The following BHMT2 variants were observed in gnomAD, a reference collection of about 807,000 sequenced individuals.
The protein encoded by BHMT2 is S-methylmethionine--homocysteine S-methyltransferase BHMT2.
In BHMT2, 28 loss-of-function variants were observed where a neutral mutation model predicts 39.0. That is an observed-to-expected ratio of 0.72 (90% CI 0.53 to 0.98). BHMT2 has a LOEUF of 0.98. BHMT2 is among the 50% of genes least tolerant of loss of function. The pLI is 0.00. For synonymous variants in BHMT2, 145 were observed against 160.6 expected (o/e 0.90, Z 0.74); for missense variants, 410 against 455.6 (o/e 0.90, Z 0.91).
Position 79,083,193 on chromosome 5 carries a change from G to A in BHMT2, c.600G>A (p.Gly200=). 6.2e-7 allele frequency: 1 copy of A among 1,613,880 alleles called. No individual in the cohort carries two copies. Residue 200 remains glycine, a splice_region_variant and synonymous_variant, in exon 6 of 8, where the codon GGG becomes GGA. Coordinates refer to ENST00000255192, the MANE Select transcript of BHMT2 (RefSeq NM_017614.5). ...GECAVRLVKA[G]ASIVGVNCRF... ...TGTAAGTGTTATTTCTTTGCACAGG[G>A]GCTTCCATCGTTGGCGTGAACTGCC...
chr5:79,075,999 C>T (rs1192113653), intron 1 of BHMT2, among the ~76,000 whole-genome samples: 1 of 152,182 alleles, frequency 6.6e-6, no homozygotes, highest in East Asian at 1.9e-4. Context: ...TCAATTAGAC[C>T]CTCCGCCTTA....
chr5:79,082,738 G>T, intron 4 of BHMT2, 71 bp from the exon 5 acceptor site: 1 of 1,531,064 alleles, frequency 6.5e-7, no homozygotes, highest in Non-Finnish European at 8.9e-7. Context: ...TAACTGTTTT[G>T]CTATATTTAC....
chr5:79,087,012 G>GTATATA (rs1237997664), intron 7 of BHMT2, among the ~76,000 whole-genome samples: 53 of 108,126 alleles, frequency 4.9e-4, no homozygotes, highest in African/African-American at 1.9e-3. Flanking sequence ...GTGTGTGTGT[G>GTATATA]TGTATATATA....
chr5:79,083,796 A>G lies in BHMT2; in HGVS notation c.950A>G (p.Glu317Gly). The change falls in exon 7 of 8, where the codon GAA (glutamate) becomes GGA (glycine). Residue 317 changes from glutamate to glycine, a missense_variant. By Grantham distance (98) the Glu-to-Gly change is moderately conservative. Coordinates refer to ENST00000255192, the MANE Select transcript of BHMT2 (RefSeq NM_017614.5). ...PERGFLPPAS[E>G]KHGSWGSGLD... Reference sequence around the variant, plus strand: ...AGGGGCTTTTTGCCACCAGCTTCAGAAAAACACGGCAGCTGGGGAAGTGGT... The same window carrying G: ...AGGGGCTTTTTGCCACCAGCTTCAGGAAAACACGGCAGCTGGGGAAGTGGT... 1 of 1,614,210 alleles carries G rather than the reference A, an allele frequency of 6.2e-7. No homozygotes were observed. Among genetic ancestry groups the G allele is most frequent in the Non-Finnish European group, 8.5e-7 (1 of 1,180,030 alleles).
intron 1 of BHMT2, among the ~76,000 whole-genome samples, chr5:79,070,090 G>A (rs1580242718): frequency 6.6e-6 from 1 of 152,212 alleles, no homozygotes; most frequent in East Asian, 1.9e-4. Flanking sequence ...GAGGCTCGGC[G>A]AGTCAGGCGA....
In BHMT2 at chr5:79,077,933, AAC is replaced by A. The variant is rs576562243; in HGVS notation, c.166+327_166+328del. On this transcript the variant is annotated intron_variant, in intron 2 of 7. Coordinates refer to ENST00000255192, the MANE Select transcript of BHMT2 (RefSeq NM_017614.5). ...CACATCCACACCCACATACACCACA[AAC>A]ACACATACACACCCACACAACACAC... is the stretch of plus-strand genomic sequence containing the variant. 532 of 197,774 alleles carry A rather than the reference AAC, an allele frequency of 2.7e-3. 1 individual carries two copies. The highest frequency in any genetic ancestry group is 0.011 in the African/African-American group (482 of 42,758). 12.3% of individuals were successfully genotyped at this position (197,774 alleles called of 1,614,324 possible). A position where few individuals can be genotyped will look rare whatever the true frequency, so the allele number is the denominator to read the frequency against.
In BHMT2 at chr5:79,076,527, T is replaced by TA. The variant is rs954599637; in HGVS notation, c.34-950dup. On this transcript the variant is annotated intron_variant, in intron 1 of 7. Transcript: ENST00000255192. ...GCTAACTGCTCTGAATGGAACCTTTTAAATAAGTTATGAGTGGGCTAAATA... is the reference window on the plus strand; with the variant it reads ...GCTAACTGCTCTGAATGGAACCTTTTAAAATAAGTTATGAGTGGGCTAAATA... Among the ~76,000 whole-genome samples the TA allele has an allele frequency of 3.0e-4, 46 of 152,130 alleles. 1 individual carries two copies. Among genetic ancestry groups the TA allele is most frequent in the Non-Finnish European group, 4.4e-5 (3 of 68,028 alleles).
chr5:79,077,810 C>A (rs1755700884), intron 2 of BHMT2, 198 bp downstream of exon 2: 1 of 489,360 alleles, frequency 2.0e-6, no homozygotes, highest in African/African-American at 2.0e-5. Flanking sequence ...ATACACACAC[C>A]TACCCACATC....
chr5:79,070,345 G>T (rs1398873675), intron 1 of BHMT2, among the ~76,000 whole-genome samples: 1 of 152,116 alleles, frequency 6.6e-6, no homozygotes, highest in African/African-American at 2.4e-5. Context: ...GACGCCCCCA[G>T]AGCTGCGGTG....
chr5:79,069,941 C>A (rs1755518427), intron 1 of BHMT2, 126 bp downstream of exon 1: 15 of 1,040,388 alleles, frequency 1.4e-5, no homozygotes, highest in Non-Finnish European at 1.9e-5. Context: ...ACGGGATGGC[C>A]CTGAGCCTCA....
chr5:79,069,917 G>C lies in BHMT2; in HGVS notation c.33+102G>C, dbSNP rs959642195. Reference sequence around the variant, plus strand: ...ATCCCTAGCCAAGCCCTGGGGCCTCGGCAAAACACTTGGACGGGATGGCCC... The same window carrying C: ...ATCCCTAGCCAAGCCCTGGGGCCTCCGCAAAACACTTGGACGGGATGGCCC... On this transcript the variant is annotated intron_variant, in intron 1 of 7. Coordinates refer to ENST00000255192, the MANE Select transcript of BHMT2 (RefSeq NM_017614.5). The C allele has an allele frequency of 5.8e-6, 7 of 1,205,686 alleles. No individual in the cohort carries two copies. The African/African-American group carries it at 8.0e-5, about 14-fold the overall frequency. The allele number at this position is 1,205,686 out of a possible 1,614,324, so 74.7% of individuals were successfully genotyped here.
At position 79,069,777 on chromosome 5, in the gene BHMT2, G is replaced by A. The variant is rs13188340; in HGVS notation, c.-6G>A. On this transcript the variant is annotated 5_prime_UTR_variant, in exon 1 of 8. Transcript: ENST00000255192. ...GGGAACCCGGCGCCCACAGAGCCGC[G>A]GCACCATGGCACCTGCTGGACGCCC... The A allele has an allele frequency of 6.3e-6, 9 of 1,423,036 alleles. No homozygotes were observed. The highest frequency in any genetic ancestry group is 1.5e-5 in the African/African-American group (1 of 67,460). The allele number at this position is 1,423,036 out of a possible 1,614,324, so 88.2% of individuals were successfully genotyped here.
intron 3 of BHMT2, among the ~76,000 whole-genome samples, chr5:79,079,865 G>A (rs779235627): frequency 6.6e-6 from 1 of 152,176 alleles, no homozygotes; most frequent in Non-Finnish European, 1.5e-5. Context: ...ACTCCAGCCT[G>A]GGTGACAGAG....
Position 79,083,631 on chromosome 5 carries a change from T to C in BHMT2, c.785T>C (p.Leu262Pro), listed in dbSNP as rs780702302. The C allele has an allele frequency of 1.1e-5, 17 of 1,613,890 alleles. No homozygotes were observed. The Admixed American group carries it at 1.5e-4, about 14-fold the overall frequency. The change falls in exon 7 of 8, where the codon CTG becomes CCG. Residue 262 changes from leucine to proline, a missense_variant. By Grantham distance (98) the Leu-to-Pro change is moderately conservative (BLOSUM62 -3). Transcript: ENST00000255192. ...FVDLPEYPFGLESRVATRWDI... is the reference protein window; with the variant it reads ...FVDLPEYPFGPESRVATRWDI... ...GCTGTTAACTATTGTGATTCAGGAC[T>C]GGAGTCCAGAGTTGCCACCAGATGG...
Position 79,083,846 on chromosome 5 carries a change from A to T in BHMT2, c.1000A>T (p.Ile334Phe), listed in dbSNP as rs771697080. ...SGLDMHTKPW[I>F]RARARREYWE... The stretch of plus-strand genomic sequence containing the variant: ...TTTGGACATGCACACCAAACCCTGG[A>T]TTAGAGCAAGGTAAGCATTTTTAAA... Residue 334 changes from isoleucine to phenylalanine, a missense_variant, in exon 7 of 8, where the codon ATT becomes TTT. Transcript: ENST00000255192. 6.2e-7 allele frequency: 1 copy of T among 1,613,718 alleles called. No homozygotes were observed. Among genetic ancestry groups the T allele is most frequent in the South Asian group, 1.1e-5 (1 of 90,944 alleles).
chr5:79,073,143 T>A (rs1040880905), intron 1 of BHMT2, among the ~76,000 whole-genome samples: 12 of 151,986 alleles, frequency 7.9e-5, no homozygotes, highest in African/African-American at 2.9e-4. Context: ...TTTGTATTTT[T>A]AGTAGAGATG....
At chr5:79,077,675 G>A in intron 2 of BHMT2, 63 bp downstream of exon 2, 1 of 1,538,604 alleles carries the variant, frequency 6.5e-7, no homozygotes, top group South Asian at 1.2e-5. Flanking sequence ...CTGATTGAGA[G>A]AAGATCAAGA....
intron 1 of BHMT2, among the ~76,000 whole-genome samples, chr5:79,074,284 C>A (rs900593814): frequency 2.0e-5 from 3 of 152,116 alleles, no homozygotes; most frequent in African/African-American, 7.2e-5. Flanking sequence ...TAGAATAAGC[C>A]CCCTCTCTAG....
chr5:79,070,796 G>A (rs908172472), intron 1 of BHMT2, among the ~76,000 whole-genome samples: 3 of 152,184 alleles, frequency 2.0e-5, no homozygotes, highest in African/African-American at 4.8e-5. Flanking sequence ...GCAATGTTAA[G>A]TTGCAAAAGG....
Sources: gnomAD v4.1 joint callset for allele counts (sites outside exome capture counted in the v4.1 genomes callset) on GRCh38, gnomAD v4.1.1 for gene constraint, MANE v1.5 for transcripts, NCBI Gene and HGNC (gene_info 2026-07-23, HGNC 2026-07-21) for gene names.